ME1: variants seen among roughly 807,000 people sequenced by gnomAD.
ME1 encodes NADP-dependent malic enzyme.
A neutral mutation model predicts 66.4 loss-of-function variants in ME1; 74 were observed. The ratio of observed to expected loss-of-function variants is 1.11; its 90% CI spans 0.92 to 1.35. The LOEUF is 1.35. Ranked by LOEUF, ME1 falls within the 40% of genes most tolerant of loss-of-function variation. The probability of loss-of-function intolerance (pLI) is 0.00; values close to 1 mark genes in which losing one functional copy is unlikely to be tolerated. For missense variants in ME1, 750 were observed against 694.1 expected (o/e 1.08, Z -0.90); for synonymous variants, 251 against 235.6 (o/e 1.07, Z -0.60).
chr6:83,231,827 T>C (rs1158250000), intron 9 of ME1, among the ~76,000 whole-genome samples: 1 of 152,164 alleles, frequency 6.6e-6, no homozygotes. Context: ...AATTCTATGA[T>C]GCATCTTTTC....
intron 3 of ME1, among the ~76,000 whole-genome samples, chr6:83,394,887 C>T (rs1326806996): frequency 6.6e-6 from 1 of 152,050 alleles, no homozygotes. Context: ...TTTTATGCAT[C>T]TCAAAGGTGA....
At chr6:83,268,025 G>A (rs1035132196) in intron 6 of ME1, among the ~76,000 whole-genome samples, 1 of 152,062 alleles carries the variant, frequency 6.6e-6, no homozygotes, top group Non-Finnish European at 1.5e-5. Context: ...AAGGTGGCAT[G>A]CTCTATAAAG....
At chr6:83,264,908 A>G (rs1766961009) in intron 6 of ME1, among the ~76,000 whole-genome samples, 1 of 152,244 alleles carries the variant, frequency 6.6e-6, no homozygotes, top group African/African-American at 2.4e-5. Context: ...TTGATAAAGG[A>G]ACAACCTGGT....
In ME1 at chr6:83,377,806, A is replaced by G. The variant is rs1220307553; in HGVS notation, c.362+20561T>C. Among the ~76,000 whole-genome samples the G allele has an allele frequency of 5.3e-5, 8 of 152,232 alleles. No individual in the cohort carries two copies. In the East Asian group the frequency reaches 1.5e-3, roughly 29 times the overall value. On this transcript the variant is annotated intron_variant, in intron 3 of 13. Coordinates refer to ENST00000369705, the MANE Select transcript of ME1 (RefSeq NM_002395.6). ...TTTAGAAAGTATTTTTAAAAAACAAAGACTCAAATTATGGTTTTAGTTTGT... is the reference window on the plus strand; with the variant it reads ...TTTAGAAAGTATTTTTAAAAAACAAGGACTCAAATTATGGTTTTAGTTTGT...
intron 11 of ME1, among the ~76,000 whole-genome samples, chr6:83,224,691 A>G (rs1297926361): frequency 6.9e-6 from 1 of 144,664 alleles, no homozygotes; most frequent in East Asian, 2.1e-4. Flanking sequence ...CTCAAAAAAA[A>G]AAAAAATAAA....
chr6:83,263,344 C>T (rs754087295), intron 6 of ME1, among the ~76,000 whole-genome samples: 5 of 152,084 alleles, frequency 3.3e-5, no homozygotes, highest in Non-Finnish European at 7.4e-5. Context: ...GGAAAAGTCA[C>T]ACATCTCTTT....
At chr6:83,252,451 C>A (rs1268023814) in intron 7 of ME1, among the ~76,000 whole-genome samples, 1 of 152,136 alleles carries the variant, frequency 6.6e-6, no homozygotes, top group African/African-American at 2.4e-5. Flanking sequence ...AGGCACACAC[C>A]ATCATGCCAG....
intron 3 of ME1, among the ~76,000 whole-genome samples, chr6:83,383,422 C>A (rs780943351): frequency 3.6e-4 from 54 of 151,778 alleles, no homozygotes; most frequent in Non-Finnish European, 4.3e-4. Flanking sequence ...TTTTATATAA[C>A]CTCTTCTTCA....
At chr6:83,380,205 G>A (rs1404855384) in intron 3 of ME1, among the ~76,000 whole-genome samples, 1 of 152,094 alleles carries the variant, frequency 6.6e-6, no homozygotes, top group Non-Finnish European at 1.5e-5. Flanking sequence ...GAAATAGATT[G>A]TGAAAATGCC....
chr6:83,238,799 A>ATATATAT (rs1554263094), intron 8 of ME1, among the ~76,000 whole-genome samples: 119 of 139,302 alleles, frequency 8.5e-4, no homozygotes, highest in East Asian at 1.8e-3. Context: ...TTTCTTGAAA[A>ATATATAT]ATATATATAT....
At chr6:83,379,645 A>ATT (rs1769357835) in intron 3 of ME1, among the ~76,000 whole-genome samples, 1 of 152,032 alleles carries the variant, frequency 6.6e-6, no homozygotes. Flanking sequence ...AGTTCTTAAA[A>ATT]TTATTTTTTT....
At chr6:83,226,499 T>G (rs1277363880) in intron 11 of ME1, among the ~76,000 whole-genome samples, 2 of 151,940 alleles carry the variant, frequency 1.3e-5, no homozygotes, top group Non-Finnish European at 2.9e-5. Flanking sequence ...AGAGATGAGA[T>G]AAAAATTAAA....
intron 6 of ME1, among the ~76,000 whole-genome samples, chr6:83,310,677 C>G (rs1274989966): frequency 6.6e-6 from 1 of 151,940 alleles, no homozygotes; most frequent in Non-Finnish European, 1.5e-5. Flanking sequence ...AAGGGAACAT[C>G]TTAGCTAGAA....
chr6:83,430,634 T>G (rs917662601), intron 1 of ME1, among the ~76,000 whole-genome samples: 1 of 152,238 alleles, frequency 6.6e-6, no homozygotes, highest in Non-Finnish European at 1.5e-5. Context: ...CCTCTATCCC[T>G]AACATGGGAT....
At chr6:83,259,850 A>G (rs942678632) in intron 6 of ME1, among the ~76,000 whole-genome samples, 2 of 152,192 alleles carry the variant, frequency 1.3e-5, no homozygotes, top group African/African-American at 4.8e-5. Flanking sequence ...TTGTGACAGT[A>G]GAAATGATGA....
rs548515285 is a variant in ME1, at chr6:83,291,623, C to A, written c.704+23687G>T. Among the ~76,000 whole-genome samples, 4 of 152,164 alleles carry A rather than the reference C, an allele frequency of 2.6e-5. No homozygotes were observed. In the South Asian group the frequency reaches 8.3e-4, roughly 32 times the overall value. On this transcript the variant is annotated intron_variant, in intron 6 of 13. Transcript: ENST00000369705. The stretch of plus-strand genomic sequence containing the variant: ...TCGGGTTGCTCTTCTTGAGGAGTAT[C>A]TCTGTGGTGTTCTCTGTATTTCCTG...
At chr6:83,263,904 C>T (rs1026640953) in intron 6 of ME1, among the ~76,000 whole-genome samples, 1 of 151,968 alleles carries the variant, frequency 6.6e-6, no homozygotes, top group African/African-American at 2.4e-5. Context: ...AGAAGATCTA[C>T]CTAAGCTCAT....
intron 9 of ME1, among the ~76,000 whole-genome samples, chr6:83,232,649 T>G (rs1011002273): frequency 6.6e-6 from 1 of 152,172 alleles, no homozygotes; most frequent in Non-Finnish European, 1.5e-5. Context: ...GGAGTTAGAA[T>G]TTTTTATTAA....
chr6:83,275,285 G>C (rs1391189743), intron 6 of ME1, among the ~76,000 whole-genome samples: 1 of 151,618 alleles, frequency 6.6e-6, no homozygotes, highest in Admixed American at 6.6e-5. Context: ...CGTGAGCAGA[G>C]ATCGTGCTAC....
Sources: allele counts gnomAD v4.1 joint callset (sites outside exome capture counted in the v4.1 genomes callset), GRCh38; gene constraint gnomAD v4.1.1; transcripts MANE v1.5; gene names NCBI Gene and HGNC (gene_info 2026-07-23, HGNC 2026-07-21).